The following LMNB1 variants were observed in gnomAD, a reference collection of about 807,000 sequenced individuals.
LMNB1 encodes lamin B1.
A neutral mutation model predicts 67.1 loss-of-function variants in LMNB1; 23 were observed. That is an observed-to-expected ratio of 0.34 (90% confidence interval 0.25 to 0.49). LMNB1 has a LOEUF of 0.49. LMNB1 is among the 20% of genes least tolerant of loss of function. The probability of loss-of-function intolerance (pLI) is 0.99; values close to 1 mark genes in which losing one functional copy is unlikely to be tolerated. For missense variants in LMNB1, 634 were observed against 746.5 expected, an observed-to-expected ratio of 0.85 and a Z score of 1.76; for synonymous variants, 281 against 282.9, an observed-to-expected ratio of 0.99 and a Z score of 0.07.
chr5:126,835,195 T>G (rs2126743959), intron 10 of LMNB1, among the ~76,000 whole-genome samples: 1 of 152,286 alleles, frequency 6.6e-6, no homozygotes, highest in South Asian at 2.1e-4. Context: ...GTATGAGGTT[T>G]TTAGCTTTTG....
At chr5:126,799,554 A>G (rs1277079796) in intron 1 of LMNB1, among the ~76,000 whole-genome samples, 3 of 152,218 alleles carry the variant, frequency 2.0e-5, no homozygotes, top group African/African-American at 7.2e-5. Flanking sequence ...GTGTGGTGAC[A>G]TGGCCTAGTG....
At chr5:126,802,635 G>A (rs967393640) in intron 1 of LMNB1, among the ~76,000 whole-genome samples, 1 of 151,808 alleles carries the variant, frequency 6.6e-6, no homozygotes, top group Non-Finnish European at 1.5e-5. Flanking sequence ...ATAGAGACAG[G>A]GCTTCATTTT....
chr5:126,808,351 CTT>C (rs74547185), intron 3 of LMNB1, among the ~76,000 whole-genome samples: 3 of 142,890 alleles, frequency 2.1e-5, no homozygotes, highest in African/African-American at 2.6e-5. Flanking sequence ...AACTGGCTAA[CTT>C]TTTTTTTTTT....
Position 126,803,267 on chromosome 5 carries a change from C to T in LMNB1, c.360-1509C>T, listed in dbSNP as rs148342687. ...TTTTTTGTTTTTGTTGTTTTTGAGA[C>T]GGAGTTTCACTCTTGTTGCCCAGGC... On this transcript the variant is annotated intron_variant, in intron 1 of 10. Coordinates refer to ENST00000261366, the MANE Select transcript of LMNB1 (RefSeq NM_005573.4). Among the ~76,000 whole-genome samples the T allele has an allele frequency of 6.4e-3, 972 of 151,868 alleles. 7 individuals are homozygous for T. Among genetic ancestry groups the T allele is most frequent in the Middle Eastern group, 0.017 (5 of 292 alleles).
At chr5:126,810,127 C>T in intron 3 of LMNB1, 53 bp from the exon 4 acceptor site, 1 of 1,525,108 alleles carries the variant, frequency 6.6e-7, no homozygotes, top group East Asian at 2.3e-5. Flanking sequence ...CAGATGTGTA[C>T]CAATGCAGCC....
At chr5:126,801,097 C>T (rs1213677548) in intron 1 of LMNB1, among the ~76,000 whole-genome samples, 1 of 146,710 alleles carries the variant, frequency 6.8e-6, no homozygotes, top group African/African-American at 2.5e-5. Flanking sequence ...GATTCTCCCG[C>T]CTCAGCCCCT....
chr5:126,811,959 A>G (rs377652455), intron 5 of LMNB1, 61 bp downstream of exon 5: 4 of 1,548,560 alleles, frequency 2.6e-6, no homozygotes, highest in South Asian at 1.1e-5. Flanking sequence ...ACGGGCACCT[A>G]CCTGCTTTGC....
chr5:126,784,448 C>T (rs1750711374), intron 1 of LMNB1, among the ~76,000 whole-genome samples: 2 of 151,200 alleles, frequency 1.3e-5, no homozygotes, highest in African/African-American at 4.9e-5. Flanking sequence ...CTCCGCCCCT[C>T]CAGGTTTAAG....
At chr5:126,830,899 A>G (rs1157874461) in intron 9 of LMNB1, among the ~76,000 whole-genome samples, 1 of 152,206 alleles carries the variant, frequency 6.6e-6, no homozygotes, top group Non-Finnish European at 1.5e-5. Flanking sequence ...CTAAAGAATC[A>G]CATTTTTTTT....
intron 3 of LMNB1, among the ~76,000 whole-genome samples, chr5:126,806,088 G>A (rs1366033339): frequency 6.6e-6 from 1 of 152,160 alleles, no homozygotes; most frequent in Non-Finnish European, 1.5e-5. Context: ...CCGAGTAGCT[G>A]GAACTACAGG....
chr5:126,829,559 ACT>A (rs1009055952), intron 9 of LMNB1, among the ~76,000 whole-genome samples: 8 of 151,526 alleles, frequency 5.3e-5, no homozygotes, highest in Middle Eastern at 3.2e-3. Context: ...TCCTGACAGA[ACT>A]CTCTCAGAAC....
intron 3 of LMNB1, among the ~76,000 whole-genome samples, chr5:126,809,780 G>GT (rs1193670548): frequency 6.6e-6 from 1 of 152,182 alleles, no homozygotes; most frequent in Admixed American, 6.5e-5. Context: ...TCCATGTGCT[G>GT]TTTTTTCAGA....
At chr5:126,779,552 CTG>C (rs1430692099) in intron 1 of LMNB1, among the ~76,000 whole-genome samples, 3 of 152,204 alleles carry the variant, frequency 2.0e-5, no homozygotes, top group South Asian at 2.1e-4. Flanking sequence ...TCAGGACCAA[CTG>C]TGTAGGATCC....
At chr5:126,817,210 C>T (rs1369962181) in intron 5 of LMNB1, among the ~76,000 whole-genome samples, 2 of 152,174 alleles carry the variant, frequency 1.3e-5, no homozygotes, top group Non-Finnish European at 2.9e-5. Flanking sequence ...GGAGTTCTGT[C>T]AGCTTGGCCA....
chr5:126,809,179 A>T (rs986300143), intron 3 of LMNB1, among the ~76,000 whole-genome samples: 6 of 152,188 alleles, frequency 3.9e-5, no homozygotes, highest in African/African-American at 1.4e-4. Context: ...CCAGCCTTCC[A>T]TTCTAATTTT....
intron 1 of LMNB1, among the ~76,000 whole-genome samples, chr5:126,785,851 TA>T (rs1385085262): frequency 1.6e-4 from 24 of 151,656 alleles, no homozygotes; most frequent in Admixed American, 1.5e-3. Flanking sequence ...CTGTATCTAC[TA>T]AAAATACAAA....
rs1452626478 is a variant in LMNB1 at position 126,777,252 on chromosome 5, GGT to G, written c.-248_-247del. 1.4e-5 allele frequency: 5 copies of G among 354,080 alleles called. No individual in the cohort carries two copies. Among genetic ancestry groups the G allele is most frequent in the African/African-American group, 8.5e-5 (4 of 46,862 alleles). 21.9% of individuals were successfully genotyped at this position (354,080 alleles called of 1,614,324 possible). ...ATTTTCCCGCGTGCGTGTGTGAGTG[GGT>G]GTGTGTGTTTTCTTACAAAGGGTAT... On this transcript the variant is annotated 5_prime_UTR_variant, in exon 1 of 11. Coordinates refer to ENST00000261366, the MANE Select transcript of LMNB1 (RefSeq NM_005573.4).
chr5:126,816,436 T>G (rs1233676077), intron 5 of LMNB1, among the ~76,000 whole-genome samples: 1 of 152,194 alleles, frequency 6.6e-6, no homozygotes, highest in Non-Finnish European at 1.5e-5. Context: ...TTGGCATAAT[T>G]TTAGATTTAC....
At chr5:126,787,732 G>T (rs1750846847) in intron 1 of LMNB1, among the ~76,000 whole-genome samples, 1 of 151,036 alleles carries the variant, frequency 6.6e-6, no homozygotes, top group African/African-American at 2.4e-5. Flanking sequence ...TGAATTTTTA[G>T]TAGAGACAGG....
Sources: gnomAD v4.1 joint callset for allele counts (sites outside exome capture counted in the v4.1 genomes callset) on GRCh38, gnomAD v4.1.1 for gene constraint, MANE v1.5 for transcripts, NCBI Gene and HGNC (gene_info 2026-07-23, HGNC 2026-07-21) for gene names.